Variants in LCOR observed in about 807,000 individuals in gnomAD.
The protein encoded by LCOR is ligand dependent nuclear receptor corepressor.
LCOR carries 14 observed loss-of-function variants against 64.4 expected under a neutral mutation model. The observed-to-expected ratio is 0.22, with a 90% CI of 0.14 to 0.34. LCOR has a LOEUF of 0.34. LCOR is among the 10% of genes least tolerant of loss of function. The pLI, the probability that LCOR is intolerant of heterozygous loss-of-function variation, is 1.00. For missense variants in LCOR, 1,686 were observed against 1,765.3 expected, an observed-to-expected ratio of 0.96 and a Z score of 0.80; for synonymous variants, 643 against 642.5, an observed-to-expected ratio of 1.00 and a Z score of -0.01.
chr10:96,936,912 T>C (rs1180272049), intron 4 of LCOR, among the ~76,000 whole-genome samples: 1 of 152,216 alleles, frequency 6.6e-6, no homozygotes. Flanking sequence ...AAACTAATAA[T>C]AAAATTGAAC....
intron 2 of LCOR, among the ~76,000 whole-genome samples, chr10:96,857,834 G>T (rs1293471594): frequency 6.6e-6 from 1 of 152,240 alleles, no homozygotes; most frequent in Non-Finnish European, 1.5e-5. Flanking sequence ...CAGCATGCAA[G>T]ATTCTCCAAG....
intron 4 of LCOR, among the ~76,000 whole-genome samples, chr10:96,934,413 A>G (rs960460985): frequency 2.0e-5 from 3 of 152,028 alleles, no homozygotes; most frequent in African/African-American, 7.3e-5. Flanking sequence ...ACTGCTTTCT[A>G]CCCTAGAGCT....
chr10:96,892,871 A>C (rs775926432), intron 2 of LCOR, among the ~76,000 whole-genome samples: 1 of 152,190 alleles, frequency 6.6e-6, no homozygotes, highest in Non-Finnish European at 1.5e-5. Flanking sequence ...AATGCTTTTT[A>C]AATTAATTCT....
chr10:96,942,741 G>A (rs1644247940), intron 4 of LCOR, among the ~76,000 whole-genome samples: 1 of 151,940 alleles, frequency 6.6e-6, no homozygotes, highest in South Asian at 2.1e-4. Flanking sequence ...ATTTTTGAGG[G>A]AATCATTTGT....
rs984966641 is a variant in LCOR, at chr10:96,925,176, A to G, written c.-184+17429A>G. On this transcript the variant is annotated intron_variant, in intron 4 of 7. Coordinates refer to ENST00000421806, the MANE Select transcript of LCOR (RefSeq NM_001346516.2). ...CAGCAACCTCCGCGTCCCGGGTTCA[A>G]GTGGTTCTCCTGCCTCAGCCTCCTG... Among the ~76,000 whole-genome samples the G allele has an allele frequency of 3.3e-5, 5 of 152,178 alleles. 1 individual carries two copies. The highest frequency in any genetic ancestry group is 1.2e-4 in the African/African-American group (5 of 41,522).
At chr10:96,953,512 C>G (rs1847717276) in intron 7 of LCOR, among the ~76,000 whole-genome samples, 1 of 152,202 alleles carries the variant, frequency 6.6e-6, no homozygotes. Context: ...GATCACAACA[C>G]TGCACTCAAG....
At chr10:96,903,014 A>T (rs1846667358) in intron 2 of LCOR, among the ~76,000 whole-genome samples, 1 of 152,216 alleles carries the variant, frequency 6.6e-6, no homozygotes, top group African/African-American at 2.4e-5. Flanking sequence ...TGTACTGAAT[A>T]CTGTAGGAAA....
chr10:96,964,328 A>G (rs1239015666), intron 7 of LCOR: 2 of 150,660 alleles, frequency 1.3e-5, no homozygotes, highest in Non-Finnish European at 2.9e-5. Context: ...TTATTTGACC[A>G]TGACATTTTG....
chr10:96,977,133 A>G (rs1049502951), intron 7 of LCOR, among the ~76,000 whole-genome samples: 2 of 152,258 alleles, frequency 1.3e-5, no homozygotes, highest in African/African-American at 4.8e-5. Flanking sequence ...GCTTTTGAGC[A>G]ACAGAAGTTG....
chr10:96,979,758 T>C (rs946965954), intron 7 of LCOR, among the ~76,000 whole-genome samples: 2 of 152,218 alleles, frequency 1.3e-5, no homozygotes, highest in African/African-American at 2.4e-5. Flanking sequence ...GGTGAAGTTA[T>C]TGATTTCTAT....
chr10:96,877,484 A>C (rs1589625276), intron 2 of LCOR, among the ~76,000 whole-genome samples: 1 of 151,908 alleles, frequency 6.6e-6, no homozygotes, highest in African/African-American at 2.4e-5. Context: ...TGATCATGAC[A>C]CTGCACTCCA....
chr10:96,841,227 T>C (rs1845534295), intron 2 of LCOR, among the ~76,000 whole-genome samples: 1 of 152,250 alleles, frequency 6.6e-6, no homozygotes. Context: ...CAAGAATTTT[T>C]TAAATGTGCA....
At position 96,987,488 on chromosome 10, in the gene LCOR, A is replaced by T. The variant is rs1848157961; in HGVS notation, c.*2354A>T. ...AGTTCTTTTTCATTTTTAAAAGCTC[A>T]GTTAAAGATAATAGCCTTCTTTCCC... is the stretch of plus-strand genomic sequence containing the variant. On this transcript the variant is annotated 3_prime_UTR_variant, in exon 8 of 8. Coordinates refer to ENST00000421806, the MANE Select transcript of LCOR (RefSeq NM_001346516.2). 6.6e-6 allele frequency: 1 copy of T among 152,226 alleles called. No homozygotes were observed. The highest frequency in any genetic ancestry group is 2.4e-5 in the African/African-American group (1 of 41,448). 9.4% of individuals were successfully genotyped at this position (152,226 alleles called of 1,614,324 possible).
chr10:96,844,683 T>C (rs1040749987), intron 2 of LCOR, among the ~76,000 whole-genome samples: 2 of 152,176 alleles, frequency 1.3e-5, no homozygotes, highest in East Asian at 1.9e-4. Flanking sequence ...TTCCTTCTTA[T>C]CTTGTTCAAC....
At chr10:96,896,997 A>G (rs1442116692) in intron 2 of LCOR, among the ~76,000 whole-genome samples, 2 of 151,882 alleles carry the variant, frequency 1.3e-5, no homozygotes, top group Non-Finnish European at 2.9e-5. Flanking sequence ...AGTGAAGGAA[A>G]TCATTCAGCT....
At chr10:96,882,443 A>G (rs946509627) in intron 2 of LCOR, among the ~76,000 whole-genome samples, 1 of 152,300 alleles carries the variant, frequency 6.6e-6, no homozygotes, top group East Asian at 1.9e-4. Flanking sequence ...CTTTATTTCT[A>G]GAGTAATTTT....
At chr10:96,940,419 A>G (rs1448778467) in intron 4 of LCOR, among the ~76,000 whole-genome samples, 1 of 124,848 alleles carries the variant, frequency 8.0e-6, no homozygotes, top group East Asian at 2.2e-4. Flanking sequence ...CAGATAAACA[A>G]GTGAACAAAG....
rs965994868 is a variant in LCOR at position 96,945,644 on chromosome 10, A to G, written c.-51+1399A>G. On this transcript the variant is annotated intron_variant, in intron 5 of 7. Transcript: ENST00000421806. ...TATAAACAACTTATAGAGCAGTTCT[A>G]TCAGTTTGCTTACCAAATAAAATAT... is the stretch of plus-strand genomic sequence containing the variant. Among the ~76,000 whole-genome samples, 9 of 152,248 alleles carry G rather than the reference A, an allele frequency of 5.9e-5. No individual in the cohort carries two copies. In the East Asian group the frequency reaches 9.6e-4, roughly 16 times the overall value.
At chr10:96,938,066 C>T (rs574495442) in intron 4 of LCOR, among the ~76,000 whole-genome samples, 16 of 152,190 alleles carry the variant, frequency 1.1e-4, no homozygotes, top group South Asian at 2.1e-4. Flanking sequence ...ATACTCCTGC[C>T]TCAGCCCCCA....
Sources: allele counts gnomAD v4.1 joint callset (sites outside exome capture counted in the v4.1 genomes callset), GRCh38; gene constraint gnomAD v4.1.1; transcripts MANE v1.5; gene names NCBI Gene and HGNC (gene_info 2026-07-23, HGNC 2026-07-21).